Variants in NOS1AP observed in about 807,000 individuals in gnomAD.
NOS1AP encodes the protein nitric oxide synthase 1 adaptor protein, also known as carboxyl-terminal PDZ ligand of neuronal nitric oxide synthase protein.
NOS1AP carries 21 observed loss-of-function variants against 56.2 expected under a neutral mutation model. The observed-to-expected ratio is 0.37, with a 90% CI of 0.26 to 0.54. The LOEUF is 0.54. NOS1AP is among the 20% of genes least tolerant of loss of function. NOS1AP has a pLI of 0.84. For missense variants in NOS1AP, 522 were observed against 657.8 expected (o/e 0.79, Z 2.26); for synonymous variants, 270 against 274.6 (o/e 0.98, Z 0.17).
At chr1:162,332,983 T>C in intron 4 of NOS1AP, 34 bp from the exon 5 acceptor site, 2 of 1,498,000 alleles carry the variant, frequency 1.3e-6, no homozygotes, top group Non-Finnish European at 1.9e-6. Context: ...CCTAAGGCCA[T>C]TTTCAGTGCA....
At chr1:162,256,274 T>C (rs1333150642) in intron 2 of NOS1AP, among the ~76,000 whole-genome samples, 2 of 152,150 alleles carry the variant, frequency 1.3e-5, no homozygotes, top group Non-Finnish European at 2.9e-5. Context: ...ACAGAGTGTC[T>C]GAATGATTAT....
intron 5 of NOS1AP, among the ~76,000 whole-genome samples, chr1:162,340,768 T>A (rs904726629): frequency 2.6e-5 from 4 of 152,172 alleles, no homozygotes; most frequent in Non-Finnish European, 5.9e-5. Flanking sequence ...TTCAGGGGAA[T>A]CAGGTAGAGG....
intron 1 of NOS1AP, among the ~76,000 whole-genome samples, chr1:162,095,757 C>T (rs1270147133): frequency 4.6e-5 from 7 of 152,218 alleles, no homozygotes; most frequent in Non-Finnish European, 1.0e-4. Context: ...TACCAACTGG[C>T]TGTAAGATAC....
intron 2 of NOS1AP, among the ~76,000 whole-genome samples, chr1:162,164,519 C>T (rs184102730): frequency 4.9e-4 from 75 of 152,294 alleles, no homozygotes; most frequent in African/African-American, 1.7e-3. Flanking sequence ...AACAATAGCT[C>T]TGTTTTCCCG....
intron 2 of NOS1AP, among the ~76,000 whole-genome samples, chr1:162,232,797 T>A (rs79463178): frequency 0.034 from 5,236 of 152,290 alleles, 126 homozygotes; most frequent in Middle Eastern, 0.051. Context: ...GTACCTTTAT[T>A]ATGCACTCTA....
At chr1:162,122,995 T>C (rs1558109526) in intron 1 of NOS1AP, among the ~76,000 whole-genome samples, 1 of 152,210 alleles carries the variant, frequency 6.6e-6, no homozygotes, top group Non-Finnish European at 1.5e-5. Flanking sequence ...ATACTGCAGT[T>C]CTCTTTGTGC....
At chr1:162,200,252 G>A (rs1651948578) in intron 2 of NOS1AP, among the ~76,000 whole-genome samples, 1 of 152,134 alleles carries the variant, frequency 6.6e-6, no homozygotes, top group South Asian at 2.1e-4. Flanking sequence ...GATATTTGGT[G>A]GTTTTCACTC....
Position 162,069,962 on chromosome 1 carries a change from C to T in NOS1AP, c.-216C>T. 1.1e-5 allele frequency: 3 copies of T among 262,156 alleles called. No individual in the cohort carries two copies. The East Asian group carries it at 2.2e-4, about 19-fold the overall frequency. The allele number at this position is 262,156 out of a possible 1,614,324, so 16.2% of individuals were successfully genotyped here. A position where few individuals can be genotyped will look rare whatever the true frequency, so the allele number is the denominator to read the frequency against. On this transcript the variant is annotated 5_prime_UTR_variant, in exon 1 of 10. Coordinates refer to ENST00000361897, the MANE Select transcript of NOS1AP (RefSeq NM_014697.3). ...GCCGGCAGGAATTGCGCGACCACAG[C>T]GCCGCTCGCGTCGCCCGCATCAGCT...
At chr1:162,201,607 C>T (rs1651992705) in intron 2 of NOS1AP, among the ~76,000 whole-genome samples, 1 of 152,182 alleles carries the variant, frequency 6.6e-6, no homozygotes, top group African/African-American at 2.4e-5. Flanking sequence ...ACCTTGCCAG[C>T]ATCTGTTATT....
intron 1 of NOS1AP, among the ~76,000 whole-genome samples, chr1:162,138,250 A>G (rs1188708707): frequency 6.6e-6 from 1 of 152,122 alleles, no homozygotes; most frequent in Non-Finnish European, 1.5e-5. Context: ...AAGGTCTCTT[A>G]GGAGACTGCA....
chr1:162,164,238 A>G (rs564714554), intron 2 of NOS1AP, among the ~76,000 whole-genome samples: 8 of 152,136 alleles, frequency 5.3e-5, no homozygotes, highest in Non-Finnish European at 8.8e-5. Context: ...GCAGAATGTC[A>G]GTTCCTCGCT....
chr1:162,268,199 C>A (rs1357271547), intron 2 of NOS1AP, among the ~76,000 whole-genome samples: 1 of 149,796 alleles, frequency 6.7e-6, no homozygotes, highest in Non-Finnish European at 1.5e-5. Flanking sequence ...GCAAAGGTTG[C>A]GGTAAGCCTA....
intron 4 of NOS1AP, among the ~76,000 whole-genome samples, chr1:162,324,780 A>G (rs964600886): frequency 6.6e-6 from 1 of 152,216 alleles, no homozygotes; most frequent in South Asian, 2.1e-4. Flanking sequence ...TTCATTGAAG[A>G]AACCTTAGGA....
At chr1:162,252,695 C>T (rs1653903505) in intron 2 of NOS1AP, among the ~76,000 whole-genome samples, 1 of 152,192 alleles carries the variant, frequency 6.6e-6, no homozygotes, top group Non-Finnish European at 1.5e-5. Context: ...CACAGTTTCA[C>T]ATATGTGCAT....
chr1:162,117,381 A>G (rs1648008649), intron 1 of NOS1AP, among the ~76,000 whole-genome samples: 1 of 152,082 alleles, frequency 6.6e-6, no homozygotes, highest in African/African-American at 2.4e-5. Context: ...CTTTTTTTAA[A>G]CTGGTGAATT....
intron 2 of NOS1AP, among the ~76,000 whole-genome samples, chr1:162,283,815 G>A (rs1388741705): frequency 2.6e-5 from 4 of 152,192 alleles, no homozygotes; most frequent in Non-Finnish European, 4.4e-5. Flanking sequence ...GTCCAGGCTG[G>A]TGGGGCTCTG....
chr1:162,284,765 G>C (rs1329180896), intron 2 of NOS1AP, among the ~76,000 whole-genome samples: 1 of 152,180 alleles, frequency 6.6e-6, no homozygotes, highest in Admixed American at 6.5e-5. Flanking sequence ...AATAGATAAG[G>C]TTTCAGATAC....
chr1:162,274,987 A>T (rs1208225399), intron 2 of NOS1AP, among the ~76,000 whole-genome samples: 1 of 152,148 alleles, frequency 6.6e-6, no homozygotes, highest in Non-Finnish European at 1.5e-5. Flanking sequence ...CAGGTGTCCT[A>T]TTTGCAAGCA....
intron 2 of NOS1AP, among the ~76,000 whole-genome samples, chr1:162,254,520 G>A (rs1653964107): frequency 6.6e-6 from 1 of 152,194 alleles, no homozygotes; most frequent in African/African-American, 2.4e-5. Flanking sequence ...AAGCTGGCAA[G>A]CTGGCTCCTC....
Sources: gnomAD v4.1 joint callset for allele counts (sites outside exome capture counted in the v4.1 genomes callset) on GRCh38, gnomAD v4.1.1 for gene constraint, MANE v1.5 for transcripts, NCBI Gene and HGNC (gene_info 2026-07-23, HGNC 2026-07-21) for gene names.